LRRC3B: variants seen among roughly 807,000 people sequenced by gnomAD.
The protein encoded by LRRC3B is leucine-rich repeat-containing protein 3B.
Under a neutral mutation model 12.8 loss-of-function variants are expected in LRRC3B, and 2 were observed. The ratio of observed to expected loss-of-function variants is 0.16; its 90% CI spans 0.06 to 0.49. LRRC3B has a LOEUF of 0.49. LRRC3B is among the 20% of genes least tolerant of loss of function. The probability of loss-of-function intolerance (pLI) is 0.96; values close to 1 mark genes in which losing one functional copy is unlikely to be tolerated. For synonymous variants in LRRC3B, 132 were observed against 122.0 expected, an observed-to-expected ratio of 1.08 and a Z score of -0.54; for missense variants, 189 against 319.4, an observed-to-expected ratio of 0.59 and a Z score of 3.11.
At chr3:26,665,528 C>A (rs1699580546) in intron 1 of LRRC3B, among the ~76,000 whole-genome samples, 2 of 151,966 alleles carry the variant, frequency 1.3e-5, no homozygotes, top group Admixed American at 1.3e-4. Flanking sequence ...GCCATCTAAT[C>A]TGAAAAGCAT....
At chr3:26,657,727 G>A (rs891755607) in intron 1 of LRRC3B, among the ~76,000 whole-genome samples, 1 of 151,946 alleles carries the variant, frequency 6.6e-6, no homozygotes, top group African/African-American at 2.4e-5. Context: ...TTACTTTCGA[G>A]GTTGCTCTCT....
chr3:26,627,858 C>A (rs568336127), intron 1 of LRRC3B, among the ~76,000 whole-genome samples: 1 of 152,190 alleles, frequency 6.6e-6, no homozygotes, highest in East Asian at 1.9e-4. Flanking sequence ...GTGGGGATAC[C>A]GGCTTAGTTG....
chr3:26,648,649 GCTCT>G (rs1225126745), intron 1 of LRRC3B, among the ~76,000 whole-genome samples: 8 of 152,076 alleles, frequency 5.3e-5, no homozygotes, highest in African/African-American at 1.9e-4. Flanking sequence ...TACCATATGG[GCTCT>G]CTTTGTTTGA....
chr3:26,661,708 A>G (rs898272165), intron 1 of LRRC3B, among the ~76,000 whole-genome samples: 1 of 152,168 alleles, frequency 6.6e-6, no homozygotes, highest in Admixed American at 6.6e-5. Flanking sequence ...TGTGATTGCT[A>G]ATGCTGCAGT....
chr3:26,683,390 T>G (rs1700010194), intron 1 of LRRC3B, among the ~76,000 whole-genome samples: 1 of 151,992 alleles, frequency 6.6e-6, no homozygotes, highest in African/African-American at 2.4e-5. Flanking sequence ...TTTCAGCAGT[T>G]GTAGCATCAT....
chr3:26,674,638 G>T (rs1699819813), intron 1 of LRRC3B, among the ~76,000 whole-genome samples: 1 of 152,108 alleles, frequency 6.6e-6, no homozygotes, highest in African/African-American at 2.4e-5. Context: ...CAAACACAGG[G>T]TTTGATGGTA....
intron 1 of LRRC3B, among the ~76,000 whole-genome samples, chr3:26,691,113 A>ATATG (rs1700184470): frequency 7.2e-6 from 1 of 139,206 alleles, no homozygotes; most frequent in Non-Finnish European, 1.6e-5. Context: ...GTGTATATAT[A>ATATG]TATATATATA....
intron 1 of LRRC3B, among the ~76,000 whole-genome samples, chr3:26,680,642 A>G (rs1699952339): frequency 6.6e-6 from 1 of 152,212 alleles, no homozygotes; most frequent in African/African-American, 2.4e-5. Flanking sequence ...CAAACAAACA[A>G]TTGACTTCCC....
intron 1 of LRRC3B, among the ~76,000 whole-genome samples, chr3:26,671,373 T>TAGAG (rs1195473054): frequency 0.017 from 487 of 28,236 alleles, 42 homozygotes; most frequent in African/African-American, 0.043. Flanking sequence ...TATATATATA[T>TAGAG]AGAGAGAGAG....
intron 1 of LRRC3B, among the ~76,000 whole-genome samples, chr3:26,673,449 A>G (rs1231128397): frequency 1.3e-5 from 2 of 152,364 alleles, no homozygotes; most frequent in Middle Eastern, 3.4e-3. Flanking sequence ...TATTCATTTC[A>G]TGTTAAGTTT....
intron 1 of LRRC3B, among the ~76,000 whole-genome samples, chr3:26,666,534 A>C (rs998931733): frequency 6.6e-6 from 1 of 152,230 alleles, no homozygotes; most frequent in East Asian, 1.9e-4. Context: ...TTGGCAATAG[A>C]TACTGCTATT....
At chr3:26,628,431 A>C (rs935428437) in intron 1 of LRRC3B, among the ~76,000 whole-genome samples, 1 of 151,236 alleles carries the variant, frequency 6.6e-6, no homozygotes, top group African/African-American at 2.4e-5. Flanking sequence ...TGGAAAAAAA[A>C]AAAAAAAAGC....
chr3:26,643,930 T>C (rs993558462), intron 1 of LRRC3B, among the ~76,000 whole-genome samples: 3 of 152,170 alleles, frequency 2.0e-5, no homozygotes, highest in Non-Finnish European at 4.4e-5. Context: ...CACACACTCA[T>C]GCACAAGTAT....
intron 1 of LRRC3B, among the ~76,000 whole-genome samples, chr3:26,628,347 T>A (rs976736889): frequency 6.0e-5 from 9 of 151,040 alleles, no homozygotes; most frequent in African/African-American, 2.2e-4. Flanking sequence ...ATTCGGAATA[T>A]CTGATCTTGA....
intron 1 of LRRC3B, among the ~76,000 whole-genome samples, chr3:26,688,628 C>A (rs1324099241): frequency 6.6e-6 from 1 of 152,114 alleles, no homozygotes; most frequent in African/African-American, 2.4e-5. Context: ...ATGCCACACA[C>A]TTTTCAACAA....
Position 26,691,784 on chromosome 3 carries a change from G to GCAGA in LRRC3B, c.-160-17726_-160-17723dup, listed in dbSNP as rs201348670. On this transcript the variant is annotated intron_variant, in intron 1 of 1. Coordinates refer to ENST00000396641, the Ensembl canonical transcript of LRRC3B. Reference sequence around the variant, plus strand: ...GGGCTCCATTTGATGGAAGCCTTTTGCAGACATAATATTGGGTGAGAACCT... The same window carrying GCAGA: ...GGGCTCCATTTGATGGAAGCCTTTTGCAGACAGACATAATATTGGGTGAGAACCT... Among the ~76,000 whole-genome samples the GCAGA allele has an allele frequency of 8.0e-3, 1,213 of 152,290 alleles. 14 individuals are homozygous for GCAGA. The highest frequency in any genetic ancestry group is 0.028 in the African/African-American group (1,167 of 41,556).
chr3:26,701,294 C>A (rs985800544), intron 1 of LRRC3B: 2 of 152,096 alleles, frequency 1.3e-5, no homozygotes, highest in African/African-American at 2.4e-5. Flanking sequence ...ACTCCACCCC[C>A]AGGTGAGCAT....
rs548206774 is a variant in LRRC3B at position 26,655,592 on chromosome 3, G to A, written c.-161+32355G>A. ...TCCTTTTCACTAATTCATCTGTCCT[G>A]TTTTCATTAACAATACTTAGCTTTA... On this transcript the variant is annotated intron_variant, in intron 1 of 1. Coordinates refer to ENST00000396641, the Ensembl canonical transcript of LRRC3B. Among the ~76,000 whole-genome samples the A allele has an allele frequency of 3.9e-5, 6 of 152,258 alleles. No homozygotes were observed. In the South Asian group the frequency reaches 1.2e-3, roughly 32 times the overall value.
intron 1 of LRRC3B, among the ~76,000 whole-genome samples, chr3:26,692,453 G>T (rs181319071): frequency 6.6e-6 from 1 of 152,176 alleles, no homozygotes; most frequent in Admixed American, 6.5e-5. Context: ...CTGTGTATCA[G>T]TTTTTCTCAG....
Sources: allele counts gnomAD v4.1 joint callset (sites outside exome capture counted in the v4.1 genomes callset), GRCh38; gene constraint gnomAD v4.1.1; transcripts MANE v1.5; gene names NCBI Gene and HGNC (gene_info 2026-07-23, HGNC 2026-07-21).